Variants in TMEM108 observed in about 807,000 individuals in gnomAD.
TMEM108 encodes transmembrane protein 108.
A neutral mutation model predicts 35.1 loss-of-function variants in TMEM108; 12 were observed. The observed-to-expected ratio is 0.34, with a 90% CI of 0.22 to 0.55. The LOEUF (loss-of-function observed/expected upper bound fraction) is 0.55, where lower values mean the gene tolerates loss of function less well. Among genes scored for constraint, TMEM108 ranks in the 20% least tolerant of loss-of-function variants. The pLI is 0.89. For missense variants in TMEM108, 680 were observed against 753.3 expected, an observed-to-expected ratio of 0.90 and a Z score of 1.14; for synonymous variants, 287 against 308.6, an observed-to-expected ratio of 0.93 and a Z score of 0.73.
chr3:133,290,689 T>C (rs1947050968), intron 3 of TMEM108, among the ~76,000 whole-genome samples: 1 of 151,344 alleles, frequency 6.6e-6, no homozygotes. Flanking sequence ...AGTTAAATTA[T>C]ACAACAAATA....
chr3:133,054,418 C>G (rs185533378), intron 2 of TMEM108, among the ~76,000 whole-genome samples: 1 of 152,066 alleles, frequency 6.6e-6, no homozygotes, highest in African/African-American at 2.4e-5. Flanking sequence ...GTGTGTTGCA[C>G]AGGAATAATG....
At chr3:133,118,197 TG>T (rs1481706825) in intron 2 of TMEM108, among the ~76,000 whole-genome samples, 1 of 152,140 alleles carries the variant, frequency 6.6e-6, no homozygotes, top group Non-Finnish European at 1.5e-5. Context: ...TACTGTAGGT[TG>T]TCTGGTTTCT....
intron 2 of TMEM108, among the ~76,000 whole-genome samples, chr3:133,094,240 C>CCCCCAACCCCCA (rs773837996): frequency 9.0e-6 from 1 of 110,850 alleles, no homozygotes; most frequent in South Asian, 3.8e-4. Flanking sequence ...CCCACCCCCC[C>CCCCCAACCCCCA]CACACACACG....
intron 4 of TMEM108, among the ~76,000 whole-genome samples, chr3:133,384,117 A>C (rs116462675): frequency 1.3e-3 from 204 of 152,142 alleles, no homozygotes; most frequent in African/African-American, 4.6e-3. Context: ...GACCTCTTCC[A>C]CGTCTAAGGG....
At chr3:133,234,715 A>G (rs1946207781) in intron 3 of TMEM108, among the ~76,000 whole-genome samples, 6 of 152,076 alleles carry the variant, frequency 3.9e-5, no homozygotes, top group African/African-American at 9.6e-5. Context: ...CTCTCTCACC[A>G]CTCCTATTCA....
chr3:133,353,828 G>C (rs1310423167), intron 3 of TMEM108, among the ~76,000 whole-genome samples: 1 of 152,212 alleles, frequency 6.6e-6, no homozygotes, highest in Non-Finnish European at 1.5e-5. Context: ...CGAACAGTGT[G>C]TCTTGCCGAC....
intron 2 of TMEM108, among the ~76,000 whole-genome samples, chr3:133,200,321 A>T (rs1945644198): frequency 6.6e-6 from 1 of 152,176 alleles, no homozygotes; most frequent in African/African-American, 2.4e-5. Flanking sequence ...CCAGTATCTC[A>T]GTTGGAAATG....
chr3:133,154,378 G>A (rs1270080001), intron 2 of TMEM108, among the ~76,000 whole-genome samples: 1 of 152,080 alleles, frequency 6.6e-6, no homozygotes, highest in Non-Finnish European at 1.5e-5. Flanking sequence ...CCTATGTCCT[G>A]AATGGTATTG....
At chr3:133,178,388 A>G (rs1945272487) in intron 2 of TMEM108, among the ~76,000 whole-genome samples, 1 of 152,210 alleles carries the variant, frequency 6.6e-6, no homozygotes, top group Non-Finnish European at 1.5e-5. Flanking sequence ...TGGAGGCATC[A>G]TACTACCTGA....
chr3:133,046,754 A>G (rs1943344544), intron 2 of TMEM108, among the ~76,000 whole-genome samples: 1 of 152,188 alleles, frequency 6.6e-6, no homozygotes, highest in Non-Finnish European at 1.5e-5. Context: ...GAGCTCTCCA[A>G]TTTCTAGAGC....
chr3:133,180,772 C>CATTT (rs1945325528), intron 2 of TMEM108, among the ~76,000 whole-genome samples: 1 of 152,028 alleles, frequency 6.6e-6, no homozygotes, highest in African/African-American at 2.4e-5. Context: ...CAGAATTCAA[C>CATTT]ATTTATAAAT....
At chr3:133,123,989 G>C (rs908504065) in intron 2 of TMEM108, among the ~76,000 whole-genome samples, 4 of 152,162 alleles carry the variant, frequency 2.6e-5, no homozygotes, top group Non-Finnish European at 5.9e-5. Context: ...GTTGGCTTCT[G>C]TTCTGAAAGG....
At chr3:133,379,705 T>C (rs757460952) in intron 3 of TMEM108, 47 bp from the exon 4 acceptor site, 1 of 1,576,992 alleles carries the variant, frequency 6.3e-7, no homozygotes, top group Non-Finnish European at 8.6e-7. Flanking sequence ...CCAGGCTGTA[T>C]GCTGCTCCCC....
At chr3:133,180,306 C>T (rs1345042624) in intron 2 of TMEM108, among the ~76,000 whole-genome samples, 1 of 152,100 alleles carries the variant, frequency 6.6e-6, no homozygotes, top group Non-Finnish European at 1.5e-5. Context: ...TTCACTGAAA[C>T]AATTTTTAAT....
chr3:133,213,069 A>T (rs79243714), intron 2 of TMEM108, among the ~76,000 whole-genome samples: 2,277 of 152,232 alleles, frequency 0.015, 73 homozygotes, highest in African/African-American at 0.051. Context: ...ATGCTATAAA[A>T]AAGCCTGAGA....
At chr3:133,038,753 C>T (rs1943237234) in intron 1 of TMEM108, among the ~76,000 whole-genome samples, 1 of 152,136 alleles carries the variant, frequency 6.6e-6, no homozygotes, top group Non-Finnish European at 1.5e-5. Flanking sequence ...TGATGGGGCG[C>T]GGGCGTCAGG....
chr3:133,282,459 T>C (rs981911145), intron 3 of TMEM108, among the ~76,000 whole-genome samples: 2 of 152,210 alleles, frequency 1.3e-5, no homozygotes, highest in Admixed American at 1.3e-4. Flanking sequence ...CCACAACATA[T>C]CCATGTTTCT....
intron 2 of TMEM108, among the ~76,000 whole-genome samples, chr3:133,114,322 A>G (rs1576325640): frequency 6.6e-6 from 1 of 152,216 alleles, no homozygotes; most frequent in Admixed American, 6.5e-5. Context: ...CCTAGAATCT[A>G]TGGCAAGTAG....
At chr3:133,371,492 C>T (rs1032569678) in intron 3 of TMEM108, among the ~76,000 whole-genome samples, 3 of 151,990 alleles carry the variant, frequency 2.0e-5, no homozygotes, top group Admixed American at 6.6e-5. Context: ...CAGACTTCCT[C>T]GCAGCATGGC....
Sources: gnomAD v4.1 joint callset for allele counts (sites outside exome capture counted in the v4.1 genomes callset) on GRCh38, gnomAD v4.1.1 for gene constraint, MANE v1.5 for transcripts, NCBI Gene and HGNC (gene_info 2026-07-23, HGNC 2026-07-21) for gene names.